TAFA1: variants seen among roughly 807,000 people sequenced by gnomAD.
TAFA1 encodes the protein chemokine-like protein TAFA-1.
In TAFA1, 4 loss-of-function variants were observed where a neutral mutation model predicts 18.5. The observed-to-expected ratio is 0.22, with a 90% CI of 0.11 to 0.49. The LOEUF (loss-of-function observed/expected upper bound fraction) is 0.49. TAFA1 is among the 20% of genes least tolerant of loss of function. TAFA1 has a pLI of 0.98. For missense variants in TAFA1, 147 were observed against 169.0 expected, an observed-to-expected ratio of 0.87 and a Z score of 0.72; for synonymous variants, 56 against 55.2, an observed-to-expected ratio of 1.01 and a Z score of -0.06.
At chr3:68,183,073 A>G (rs2066223996) in intron 2 of TAFA1, among the ~76,000 whole-genome samples, 1 of 152,180 alleles carries the variant, frequency 6.6e-6, no homozygotes, top group African/African-American at 2.4e-5. Flanking sequence ...TGACCTGAGC[A>G]GTATGTGTGT....
At chr3:68,018,289 C>G (rs1704609610) in intron 2 of TAFA1, among the ~76,000 whole-genome samples, 1 of 152,168 alleles carries the variant, frequency 6.6e-6, no homozygotes, top group African/African-American at 2.4e-5. Flanking sequence ...CAACCATATT[C>G]TGGCCAGACT....
chr3:68,438,601 G>T (rs937284851), intron 3 of TAFA1, among the ~76,000 whole-genome samples: 13 of 152,040 alleles, frequency 8.6e-5, no homozygotes, highest in Admixed American at 6.6e-5. Flanking sequence ...ACTCCCTGGA[G>T]CACCTTCAAC....
intron 2 of TAFA1, among the ~76,000 whole-genome samples, chr3:68,083,809 C>T (rs537616133): frequency 2.6e-5 from 4 of 151,798 alleles, no homozygotes; most frequent in African/African-American, 7.2e-5. Context: ...TTTTTTCTCT[C>T]CCTCAGCTTC....
At chr3:68,090,616 C>T (rs1258923296) in intron 2 of TAFA1, among the ~76,000 whole-genome samples, 1 of 152,100 alleles carries the variant, frequency 6.6e-6, no homozygotes, top group Non-Finnish European at 1.5e-5. Flanking sequence ...ATCAGTGATT[C>T]CTTGTTCAAT....
At chr3:68,107,091 T>A (rs886655247) in intron 2 of TAFA1, among the ~76,000 whole-genome samples, 1 of 152,126 alleles carries the variant, frequency 6.6e-6, no homozygotes, top group Non-Finnish European at 1.5e-5. Flanking sequence ...CATTACCAGT[T>A]CATAGGAGCC....
chr3:68,032,578 T>A (rs760541749), intron 2 of TAFA1, among the ~76,000 whole-genome samples: 96 of 152,264 alleles, frequency 6.3e-4, no homozygotes, highest in Middle Eastern at 3.4e-3. Context: ...TGTCCATATC[T>A]CAGTCTGTGT....
At chr3:68,326,902 G>T (rs1485422269) in intron 2 of TAFA1, among the ~76,000 whole-genome samples, 1 of 152,148 alleles carries the variant, frequency 6.6e-6, no homozygotes, top group African/African-American at 2.4e-5. Flanking sequence ...CCAAATTCTA[G>T]ATTATAGATT....
At chr3:68,331,924 C>T (rs368156705) in intron 2 of TAFA1, among the ~76,000 whole-genome samples, 24 of 118,186 alleles carry the variant, frequency 2.0e-4, no homozygotes, top group Admixed American at 1.2e-3. Context: ...AGTGCAGTGG[C>T]GCGATCTCAG....
chr3:68,460,008 G>A (rs187894614), intron 3 of TAFA1, among the ~76,000 whole-genome samples: 2 of 152,234 alleles, frequency 1.3e-5, no homozygotes, highest in African/African-American at 4.8e-5. Flanking sequence ...TTGAGAGATG[G>A]ACAACTGCAT....
At chr3:68,213,378 C>CT (rs990720842) in intron 2 of TAFA1, among the ~76,000 whole-genome samples, 1 of 152,008 alleles carries the variant, frequency 6.6e-6, no homozygotes, top group African/African-American at 2.4e-5. Flanking sequence ...TTCTTGTTGT[C>CT]TTTTTTCCCT....
chr3:68,127,579 T>TGGTG (rs2065478897), intron 2 of TAFA1, among the ~76,000 whole-genome samples: 2 of 1,974 alleles, frequency 1.0e-3, no homozygotes, highest in Non-Finnish European at 2.2e-3. Flanking sequence ...GTAGTGGTGG[T>TGGTG]AGTGATGGTA....
intron 2 of TAFA1, among the ~76,000 whole-genome samples, chr3:68,320,886 G>T (rs551350655): frequency 6.6e-6 from 1 of 152,188 alleles, no homozygotes; most frequent in African/African-American, 2.4e-5. Context: ...CAGTCAGATA[G>T]ACTCCCTCTT....
chr3:68,159,097 A>G (rs768961055), intron 2 of TAFA1, among the ~76,000 whole-genome samples: 10 of 152,218 alleles, frequency 6.6e-5, no homozygotes, highest in Non-Finnish European at 8.8e-5. Flanking sequence ...AAGAGCTCAC[A>G]GTCTTGTCTT....
At chr3:68,096,822 C>T (rs1484933817) in intron 2 of TAFA1, among the ~76,000 whole-genome samples, 1 of 152,076 alleles carries the variant, frequency 6.6e-6, no homozygotes, top group Non-Finnish European at 1.5e-5. Flanking sequence ...ATTAGAATCG[C>T]AAAGCACTTT....
chr3:68,173,882 C>T (rs1306251209), intron 2 of TAFA1, among the ~76,000 whole-genome samples: 3 of 126,992 alleles, frequency 2.4e-5, no homozygotes, highest in Non-Finnish European at 4.9e-5. Context: ...GCTCAAATAA[C>T]AGGGTTATAG....
At chr3:68,474,088 C>T (rs904372928) in intron 3 of TAFA1, among the ~76,000 whole-genome samples, 1 of 143,126 alleles carries the variant, frequency 7.0e-6, no homozygotes, top group African/African-American at 2.6e-5. Flanking sequence ...AGCTATCCTA[C>T]TTCTTGACTA....
At chr3:68,123,878 C>CAAAAA (rs758966848) in intron 2 of TAFA1, among the ~76,000 whole-genome samples, 2 of 72,146 alleles carry the variant, frequency 2.8e-5, no homozygotes, top group Non-Finnish European at 4.8e-5. Flanking sequence ...CTTTTTTTTC[C>CAAAAA]AAAAAAAAAA....
chr3:68,047,809 C>T (rs2064408318), intron 2 of TAFA1, among the ~76,000 whole-genome samples: 1 of 152,096 alleles, frequency 6.6e-6, no homozygotes, highest in Admixed American at 6.5e-5. Context: ...TACTTTTGCA[C>T]CAACCTAATA....
chr3:68,082,082 G>T (rs111308302), intron 2 of TAFA1, among the ~76,000 whole-genome samples: 152 of 152,314 alleles, frequency 1.0e-3, no homozygotes, highest in African/African-American at 3.0e-3. Context: ...TTTTCCAGTT[G>T]CCGTCCGTCA....
Sources: allele counts gnomAD v4.1 joint callset (sites outside exome capture counted in the v4.1 genomes callset), GRCh38; gene constraint gnomAD v4.1.1; transcripts MANE v1.5; gene names NCBI Gene and HGNC (gene_info 2026-07-23, HGNC 2026-07-21).